Variants in OBSL1 observed in about 807,000 individuals in gnomAD.
The protein encoded by OBSL1 is obscurin like cytoskeletal adaptor 1.
OBSL1 carries 160 observed loss-of-function variants against 172.0 expected under a neutral mutation model. That is an observed-to-expected ratio of 0.93 (90% CI 0.82 to 1.06). The LOEUF is 1.06. OBSL1 is among the 50% of genes least tolerant of loss of function. The pLI is 0.00. For synonymous variants in OBSL1, 1,200 were observed against 1,196.3 expected (o/e 1.00, Z -0.06); for missense variants, 2,681 against 2,715.4 (o/e 0.99, Z 0.28).
At chr2:219,554,868 T>C in intron 14 of OBSL1, 128 bp from the exon 15 acceptor site, 2 of 1,100,754 alleles carry the variant, frequency 1.8e-6, no homozygotes, top group Non-Finnish European at 2.5e-6. Context: ...CCAAAAAAGT[T>C]CGGAACCAGG....
At chr2:219,566,225 A>C (rs1696877043) in intron 5 of OBSL1, among the ~76,000 whole-genome samples, 1 of 152,232 alleles carries the variant, frequency 6.6e-6, no homozygotes, top group Admixed American at 6.5e-5. Context: ...ACTAAAATAC[A>C]AAAACAAGCC....
intron 20 of OBSL1, 178 bp from the exon 21 acceptor site, chr2:219,551,020 G>A: frequency 6.8e-7 from 1 of 1,467,142 alleles, no homozygotes; most frequent in Non-Finnish European, 9.0e-7. Flanking sequence ...GCTAGGGGTG[G>A]GGCACAGCGC....
In OBSL1 at chr2:219,555,830, ACTT is replaced by A; in HGVS notation, c.4609+187_4609+189del. On this transcript the variant is annotated intron_variant, in intron 14 of 20. Transcript: ENST00000404537. ...GCAATGGAATGCAAAATCCACATGG[ACTT>A]CTAAGGTAAATAAAAAATATTAGAA... The A allele has an allele frequency of 2.1e-6, 3 of 1,407,326 alleles. No individual in the cohort carries two copies. In the South Asian group the frequency reaches 5.3e-5, roughly 25 times the overall value. 87.2% of individuals were successfully genotyped at this position (1,407,326 alleles called of 1,614,324 possible). A position where few individuals can be genotyped will look rare whatever the true frequency, so the allele number is the denominator to read the frequency against.
chr2:219,564,583 TCC>T (rs1161004604), intron 6 of OBSL1, among the ~76,000 whole-genome samples: 1 of 152,162 alleles, frequency 6.6e-6, no homozygotes, highest in African/African-American at 2.4e-5. Flanking sequence ...TGCATTTTGT[TCC>T]CCCACCCAAC....
At position 219,568,178 on chromosome 2, in the gene OBSL1, C is replaced by A; in HGVS notation, c.1159G>T (p.Glu387Ter). Residue 387 changes from glutamate to a stop codon, truncating the protein, a stop_gained, in exon 2 of 21, where the codon GAG becomes TAG. Transcript: ENST00000404537. LOFTEE classifies it high-confidence loss of function. This position sits in a 1 kb window ranked among gnomAD's most constrained non-coding sequence, Gnocchi z 4.1. ...CGGACAGTGCCCTCTTCGATCTGCT[C>A]GTACTTGCGGCAGGGCAGCAGCCGC... ...DQRLLPCRKY[E>*]QIEEGTVRRL... The A allele has an allele frequency of 6.2e-7, 1 of 1,613,762 alleles. No homozygotes were observed. The highest frequency in any genetic ancestry group is 8.5e-7 in the Non-Finnish European group (1 of 1,179,892).
rs752401295 is a variant in OBSL1 at position 219,571,197 on chromosome 2, C to CG, written c.35dup (p.Cys13ValfsTer241). On this transcript the variant is annotated frameshift_variant, in exon 1 of 21. Coordinates refer to ENST00000404537, the MANE Select transcript of OBSL1 (RefSeq NM_015311.3). LOFTEE classifies it high-confidence loss of function. ...CAGGCCGCGGGAAGCGCAGGAAGCA[C>CG]GGGGGGCTCCCCTGATCCCCCGAGC... The CG allele has an allele frequency of 7.9e-5, 112 of 1,415,448 alleles. No individual in the cohort carries two copies. Among genetic ancestry groups the CG allele is most frequent in the Admixed American group, 1.1e-4 (5 of 44,078 alleles). The allele number at this position is 1,415,448 out of a possible 1,614,324, so 87.7% of individuals were successfully genotyped here.
rs1259632645 is a variant in OBSL1 at position 219,562,477 on chromosome 2, C to T, written c.2878G>A (p.Val960Ile). 6.2e-7 allele frequency: 1 copy of T among 1,613,920 alleles called. No individual in the cohort carries two copies. Among genetic ancestry groups the T allele is most frequent in the Non-Finnish European group, 8.5e-7 (1 of 1,179,902 alleles). Residue 960 changes from valine (V) to isoleucine (I), a missense_variant, in exon 8 of 21, where the codon GTC (valine) becomes ATC (isoleucine). Physicochemically the swap from Val to Ile is conservative, Grantham distance 29. This residue lies in a region of OBSL1 where 1,765 missense variants were observed against 1,748.3 expected (regional missense o/e 1.01). Coordinates refer to ENST00000404537, the MANE Select transcript of OBSL1 (RefSeq NM_015311.3). Reference protein sequence around the residue: ...DTVRRLVLPAVQLEDSGEYLC... With the variant: ...DTVRRLVLPAIQLEDSGEYLC... ...TACTCGCCGGAGTCCTCGAGCTGGA[C>T]AGCGGGCAGCACCAGGCGGCGGACA...
chr2:219,549,296 C>G, downstream of OBSL1: 1 of 1,613,916 alleles, frequency 6.2e-7, no homozygotes, highest in Non-Finnish European at 8.5e-7. Context: ...CCACCAGACC[C>G]TGCTTATCGG....
Position 219,566,926 on chromosome 2 carries a change from T to C in OBSL1, c.2038A>G (p.Arg680Gly). 1 of 1,613,592 alleles carries C rather than the reference T, an allele frequency of 6.2e-7. No individual in the cohort carries two copies. The highest frequency in any genetic ancestry group is 8.5e-7 in the Non-Finnish European group (1 of 1,179,656). The part of the protein sequence containing the change: ...YRIEQKGLQH[R>G]LILHAVKHQD... The stretch of plus-strand genomic sequence containing the variant: ...TGCTTGACGGCATGCAGGATGAGTC[T>C]GTGCTGCAGACCCTTCTGCTCTATA... The change falls in exon 5 of 21, where the codon AGA (arginine) becomes GGA (glycine). Residue 680 changes from arginine (R) to glycine (G), a missense_variant. Transcript: ENST00000404537.
At chr2:219,553,771 CA>C in intron 15 of OBSL1, 85 bp from the exon 16 acceptor site, 1 of 768,888 alleles carries the variant, frequency 1.3e-6, no homozygotes, top group Non-Finnish European at 2.1e-6. Context: ...CACTTGGGCA[CA>C]ACAGGCAGTA....
At position 219,551,557 on chromosome 2, in the gene OBSL1, G is replaced by A; in HGVS notation, c.5655C>T (p.Asp1885=). The change falls in exon 20 of 21, where the codon GAC becomes GAT. Residue 1885 remains aspartate (D), a synonymous_variant. Coordinates refer to ENST00000404537, the MANE Select transcript of OBSL1 (RefSeq NM_015311.3). ...CTACCAGCAGCCGTGTGTGGGTGCTGTCCTGGCCGGCCTGGCAGCAGTAAG... is the reference window on the plus strand; with the variant it reads ...CTACCAGCAGCCGTGTGTGGGTGCTATCCTGGCCGGCCTGGCAGCAGTAAG... ...QGTYCCQAGQ[D]STHTRLLVEG... is the part of the protein sequence containing the mutation. The A allele has an allele frequency of 6.3e-7, 1 of 1,599,902 alleles. No individual in the cohort carries two copies. The highest frequency in any genetic ancestry group is 1.1e-5 in the South Asian group (1 of 88,492).
chr2:219,563,662 C>T (rs183706000), intron 6 of OBSL1, 35 bp from the exon 7 acceptor site: 3 of 1,591,076 alleles, frequency 1.9e-6, no homozygotes, highest in Non-Finnish European at 2.6e-6. Flanking sequence ...TGCACAGACA[C>T]CCCCGCACAA....
Position 219,563,418 on chromosome 2 carries a change from CT to C in OBSL1, c.2616del (p.Asp873ThrfsTer46). The C allele has an allele frequency of 1.2e-6, 2 of 1,612,110 alleles. No homozygotes were observed. The highest frequency in any genetic ancestry group is 1.7e-6 in the Non-Finnish European group (2 of 1,178,754). ...RRLVLPATQP[S>X]DGGEFQCVAG... ...GCGACGCACTGAAACTCGCCCCCGT[CT>C]GAGGGCTGGGTGGCGGGCAGCACCA... is the stretch of plus-strand genomic sequence containing the variant. On this transcript the variant is annotated frameshift_variant, in exon 7 of 21. Coordinates refer to ENST00000404537, the MANE Select transcript of OBSL1 (RefSeq NM_015311.3). LOFTEE classifies it high-confidence loss of function.
chr2:219,566,736 A>C lies in OBSL1; in HGVS notation c.2134+94T>G, dbSNP rs62191614. The C allele has an allele frequency of 0.24, 323,868 of 1,373,044 alleles. 39,929 individuals carry two copies. Among genetic ancestry groups the C allele is most frequent in the South Asian group, 0.3 (19,783 of 66,572 alleles). 85.1% of individuals were successfully genotyped at this position (1,373,044 alleles called of 1,614,324 possible). A position where few individuals can be genotyped will look rare whatever the true frequency, so the allele number is the denominator to read the frequency against. On this transcript the variant is annotated intron_variant, in intron 5 of 20. Coordinates refer to ENST00000404537, the MANE Select transcript of OBSL1 (RefSeq NM_015311.3). ...GATGCTCCTTGCTCTCCTGGCCCAG[A>C]TACAAGAAATAAAAACAGCATCTGC...
intron 1 of OBSL1, among the ~76,000 whole-genome samples, 179 bp downstream of exon 1, chr2:219,570,042 A>G (rs1697218792): frequency 6.6e-6 from 1 of 152,196 alleles, no homozygotes. Flanking sequence ...AGTACCCTGG[A>G]GACCTACTAA....
At chr2:219,555,532 G>T in intron 14 of OBSL1, 1 of 661,798 alleles carries the variant, frequency 1.5e-6, no homozygotes, top group Non-Finnish European at 1.9e-6. Flanking sequence ...CTCCTGCCTT[G>T]GCCTCCCAAA....
chr2:219,552,918 C>T lies in OBSL1; in HGVS notation c.5096G>A (p.Ser1699Asn). 1 of 1,538,832 alleles carries T rather than the reference C, an allele frequency of 6.5e-7. No homozygotes were observed. The highest frequency in any genetic ancestry group is 1.2e-5 in the South Asian group (1 of 83,772). Residue 1699 changes from serine to asparagine, a missense_variant, in exon 17 of 21, where the codon AGC becomes AAC. Transcript: ENST00000404537. Reference protein sequence around the residue: ...RCGPSDAGTYSCAVGTARAGP... With the variant: ...RCGPSDAGTYNCAVGTARAGP... Reference sequence around the variant, plus strand: ...GGCGCGGGCCGTCCCCACCGCGCAGCTGTAGGTCCCGGCGTCCGAGGGGCC... The same window carrying T: ...GGCGCGGGCCGTCCCCACCGCGCAGTTGTAGGTCCCGGCGTCCGAGGGGCC...
chr2:219,557,976 C>T lies in OBSL1; in HGVS notation c.3637G>A (p.Val1213Met), dbSNP rs201555617. The change falls in exon 11 of 21, where the codon GTG becomes ATG. Residue 1213 changes from valine to methionine, a missense_variant. Coordinates refer to ENST00000404537, the MANE Select transcript of OBSL1 (RefSeq NM_015311.3). ...PVVWSHNGRP[V>M]QEGEGLELHA... is the part of the protein sequence containing the mutation. ...AGCTCTAGGCCCTCGCCCTCCTGCACGGGCCTCCCATTGTGGCTCCAGACC... is the reference window on the plus strand; with the variant it reads ...AGCTCTAGGCCCTCGCCCTCCTGCATGGGCCTCCCATTGTGGCTCCAGACC... 7.6e-4 allele frequency: 1,217 copies of T among 1,610,372 alleles called. 3 individuals carry two copies. The highest frequency in any genetic ancestry group is 9.5e-4 in the Non-Finnish European group (1,123 of 1,179,002).
intron 2 of OBSL1, 25 bp from the exon 3 acceptor site, chr2:219,567,994 A>G: frequency 6.2e-7 from 1 of 1,610,590 alleles, no homozygotes; most frequent in East Asian, 2.2e-5. Context: ...GGAATCCATC[A>G]ACCTGGAATC....
Sources: allele counts gnomAD v4.1 joint callset (sites outside exome capture counted in the v4.1 genomes callset), GRCh38; gene constraint gnomAD v4.1.1; regional missense constraint gnomAD v4.1.1; non-coding constraint Gnocchi (gnomAD v3.1); transcripts MANE v1.5; gene names NCBI Gene and HGNC (gene_info 2026-07-23, HGNC 2026-07-21).